Variants in NTRK3 observed in about 807,000 individuals in gnomAD.
NTRK3 encodes NT-3 growth factor receptor.
Under a neutral mutation model 91.7 loss-of-function variants are expected in NTRK3, and 24 were observed. The ratio of observed to expected loss-of-function variants is 0.26; its 90% CI spans 0.19 to 0.37. The LOEUF is 0.37. Among genes scored for constraint, NTRK3 ranks in the 10% least tolerant of loss-of-function variants. The pLI is 1.00. For synonymous variants in NTRK3, 483 were observed against 404.0 expected (o/e 1.20, Z -2.34); for missense variants, 880 against 1,068.9 (o/e 0.82, Z 2.46).
At chr15:87,931,512 A>T (rs1421579017) in intron 16 of NTRK3, among the ~76,000 whole-genome samples, 1 of 152,242 alleles carries the variant, frequency 6.6e-6, no homozygotes, top group Non-Finnish European at 1.5e-5. Context: ...AGTTATTAAT[A>T]GTCGTGTTTT....
In NTRK3 at chr15:88,241,850, C is replaced by G. The variant is rs950936313; in HGVS notation, c.248+14056G>C. Among the ~76,000 whole-genome samples, 2 of 152,176 alleles carry G rather than the reference C, an allele frequency of 1.3e-5. No individual in the cohort carries two copies. Among genetic ancestry groups the G allele is most frequent in the African/African-American group, 4.8e-5 (2 of 41,448 alleles). ...CTCAGCAAAGCTTGGCCCACCTCCC[C>G]TCTCCAGAGGTCGATTTCCAGGTGC... On this transcript the variant is annotated intron_variant, in intron 3 of 18. Coordinates refer to ENST00000394480, the Ensembl canonical transcript of NTRK3. This position sits in a 1 kb window ranked among gnomAD's most constrained non-coding sequence, Gnocchi z 4.3.
chr15:88,128,082 C>G (rs1184845494), intron 11 of NTRK3, among the ~76,000 whole-genome samples: 1 of 152,144 alleles, frequency 6.6e-6, no homozygotes, highest in Non-Finnish European at 1.5e-5. Context: ...AAAATGGCAG[C>G]AGTTGCTGCT....
intron 3 of NTRK3, among the ~76,000 whole-genome samples, chr15:88,228,160 G>A (rs1329766758): frequency 6.6e-6 from 1 of 151,790 alleles, no homozygotes; most frequent in Non-Finnish European, 1.5e-5. Context: ...TCTATCTCTG[G>A]GCACGTCACT....
At chr15:88,177,712 A>G (rs1192409485) in intron 5 of NTRK3, among the ~76,000 whole-genome samples, 2 of 152,222 alleles carry the variant, frequency 1.3e-5, no homozygotes, top group East Asian at 3.9e-4. Context: ...AGGAAACTAA[A>G]GGGCACGATA....
chr15:87,939,761 T>C (rs1049871412), intron 15 of NTRK3, among the ~76,000 whole-genome samples: 1 of 152,136 alleles, frequency 6.6e-6, no homozygotes, highest in Non-Finnish European at 1.5e-5. Flanking sequence ...CACTCCAGAC[T>C]CCAGAGAAGG....
chr15:87,883,326 T>A (rs1455590960), intron 17 of NTRK3, among the ~76,000 whole-genome samples: 3 of 148,522 alleles, frequency 2.0e-5, no homozygotes, highest in African/African-American at 7.3e-5. Flanking sequence ...ATGAAGTTTA[T>A]GCTCCAATTA....
intron 13 of NTRK3, among the ~76,000 whole-genome samples, chr15:88,046,112 A>C (rs143753240): frequency 1.3e-5 from 2 of 152,332 alleles, no homozygotes; most frequent in East Asian, 1.9e-4. Flanking sequence ...GGGATAAACC[A>C]GCATTATAAG....
chr15:87,989,672 A>G (rs1471739553), intron 14 of NTRK3, among the ~76,000 whole-genome samples: 1 of 152,054 alleles, frequency 6.6e-6, no homozygotes, highest in Non-Finnish European at 1.5e-5. Context: ...AAGAAAATAA[A>G]TCATATAGAT....
intron 13 of NTRK3, among the ~76,000 whole-genome samples, chr15:88,057,192 GAAA>G (rs1418728480): frequency 6.8e-6 from 1 of 146,546 alleles, no homozygotes; most frequent in African/African-American, 2.5e-5. Context: ...AAGAAAAAAA[GAAA>G]AAAAGAAATG....
At chr15:88,009,289 A>T (rs550452187) in intron 14 of NTRK3, among the ~76,000 whole-genome samples, 14 of 152,026 alleles carry the variant, frequency 9.2e-5, no homozygotes, top group South Asian at 6.3e-4. Context: ...TTATTTTTTT[A>T]AAATGGAGAG....
rs563730923 is a variant in NTRK3 at position 88,024,712 on chromosome 15, G to A, written c.1585+8145C>T. Among the ~76,000 whole-genome samples the A allele has an allele frequency of 7.2e-5, 11 of 152,320 alleles. No homozygotes were observed. In the East Asian group the frequency reaches 1.9e-3, roughly 27 times the overall value. ...ATTCAGCATGGAAACCAGCTTGAAAGTGACATGTAGGGAAAGAGAAAGTGT... is the reference window on the plus strand; with the variant it reads ...ATTCAGCATGGAAACCAGCTTGAAAATGACATGTAGGGAAAGAGAAAGTGT... On this transcript the variant is annotated intron_variant, in intron 14 of 18. Transcript: ENST00000394480.
At chr15:88,242,594 G>A (rs1363386301) in intron 3 of NTRK3, among the ~76,000 whole-genome samples, 2 of 152,140 alleles carry the variant, frequency 1.3e-5, no homozygotes, top group African/African-American at 2.4e-5. Flanking sequence ...GAAGTATCAC[G>A]GTCTTTTATT....
chr15:87,878,060 T>C (rs758406692), intron 18 of NTRK3, among the ~76,000 whole-genome samples: 2 of 152,166 alleles, frequency 1.3e-5, no homozygotes, highest in Non-Finnish European at 2.9e-5. Context: ...ACTGAATATA[T>C]GCATTTTCAA....
intron 14 of NTRK3, among the ~76,000 whole-genome samples, chr15:88,004,017 A>G (rs1490316834): frequency 6.6e-6 from 1 of 152,140 alleles, no homozygotes; most frequent in Non-Finnish European, 1.5e-5. Flanking sequence ...AGACAGGACA[A>G]TGAGCCTCTC....
intron 14 of NTRK3, among the ~76,000 whole-genome samples, chr15:87,973,268 A>G (rs899844238): frequency 6.6e-6 from 1 of 152,204 alleles, no homozygotes; most frequent in East Asian, 1.9e-4. Flanking sequence ...ATCAAGATTT[A>G]ATTTCAAGGG....
At chr15:88,033,098 T>G in intron 13 of NTRK3, 53 bp from the exon 14 acceptor site, 17 of 1,524,490 alleles carry the variant, frequency 1.1e-5, no homozygotes, top group Non-Finnish European at 1.5e-5. Context: ...CCGGCCAGTT[T>G]CCAGCCCTGT....
chr15:87,971,967 T>C (rs2073291891), intron 14 of NTRK3, among the ~76,000 whole-genome samples: 1 of 152,178 alleles, frequency 6.6e-6, no homozygotes. Flanking sequence ...CCAAACAGAC[T>C]GAAGGTAGTG....
At chr15:87,921,117 A>T (rs2067834531) in intron 17 of NTRK3, among the ~76,000 whole-genome samples, 1 of 152,164 alleles carries the variant, frequency 6.6e-6, no homozygotes, top group Admixed American at 6.5e-5. Context: ...AATTACTCTC[A>T]AATAAAATTT....
intron 14 of NTRK3, among the ~76,000 whole-genome samples, chr15:88,010,685 G>A (rs2076816195): frequency 6.6e-6 from 1 of 151,886 alleles, no homozygotes; most frequent in Non-Finnish European, 1.5e-5. Flanking sequence ...CCACTTAAGA[G>A]CCAATAACAG....
Sources: allele counts gnomAD v4.1 joint callset (sites outside exome capture counted in the v4.1 genomes callset), GRCh38; gene constraint gnomAD v4.1.1; non-coding constraint Gnocchi (gnomAD v3.1); transcripts MANE v1.5; gene names NCBI Gene and HGNC (gene_info 2026-07-23, HGNC 2026-07-21).